The following CCDC68 variants were observed in gnomAD, a reference collection of about 807,000 sequenced individuals.
The protein encoded by CCDC68 is coiled-coil domain-containing protein 68.
CCDC68 carries 45 observed loss-of-function variants against 47.1 expected under a neutral mutation model. The observed-to-expected ratio is 0.96, with a 90% CI of 0.75 to 1.23. CCDC68 has a LOEUF of 1.23. CCDC68 is among the 50% of genes most tolerant of loss of function. CCDC68 has a pLI of 0.00. For synonymous variants in CCDC68, 131 were observed against 129.5 expected, an observed-to-expected ratio of 1.01 and a Z score of -0.08; for missense variants, 353 against 373.6, an observed-to-expected ratio of 0.94 and a Z score of 0.45.
At chr18:54,917,008 C>A (rs1171071244) in intron 10 of CCDC68, among the ~76,000 whole-genome samples, 1 of 152,154 alleles carries the variant, frequency 6.6e-6, no homozygotes, top group African/African-American at 2.4e-5. Flanking sequence ...ATTGTGAGGC[C>A]TCCCCAGCCA....
intron 6 of CCDC68, 98 bp from the exon 7 acceptor site, chr18:54,935,046 T>C: frequency 1.1e-6 from 1 of 930,482 alleles, no homozygotes; most frequent in Non-Finnish European, 1.4e-6. Flanking sequence ...GCCAAAAAAA[T>C]TCAGAATTCA....
intron 10 of CCDC68, among the ~76,000 whole-genome samples, chr18:54,914,579 T>A (rs535832357): frequency 1.3e-5 from 2 of 151,972 alleles, no homozygotes; most frequent in East Asian, 3.9e-4. Context: ...GATCACGAGA[T>A]CACGCCACTG....
intron 9 of CCDC68, 107 bp from the exon 10 acceptor site, chr18:54,918,103 T>TA (rs897562306): frequency 1.9e-3 from 1,067 of 555,762 alleles, no homozygotes; most frequent in Middle Eastern, 2.9e-3. Flanking sequence ...TTCATCAAAT[T>TA]AAAAAAAAAA....
At chr18:54,944,424 CA>C (rs1471087490) in intron 2 of CCDC68, among the ~76,000 whole-genome samples, 2 of 151,894 alleles carry the variant, frequency 1.3e-5, no homozygotes, top group African/African-American at 4.8e-5. Context: ...TATCAGCAAG[CA>C]AAAAAGTGAT....
Position 54,904,306 on chromosome 18 carries a change from G to A in CCDC68, c.*52C>T. 1.4e-6 allele frequency: 2 copies of A among 1,417,386 alleles called. No individual in the cohort carries two copies. Among genetic ancestry groups the A allele is most frequent in the Non-Finnish European group, 2.0e-6 (2 of 1,004,358 alleles). The allele number at this position is 1,417,386 out of a possible 1,614,324, so 87.8% of individuals were successfully genotyped here. Reference sequence around the variant, plus strand: ...CATGAAACTTGGGCTGTGTTTCAGAGAATAAATAAGACTCACGCAGTCTTT... The same window carrying A: ...CATGAAACTTGGGCTGTGTTTCAGAAAATAAATAAGACTCACGCAGTCTTT... On this transcript the variant is annotated 3_prime_UTR_variant, in exon 12 of 12. Transcript: ENST00000591504.
intron 3 of CCDC68, 68 bp from the exon 4 acceptor site, chr18:54,941,151 C>G: frequency 1.0e-6 from 1 of 988,852 alleles, no homozygotes; most frequent in South Asian, 1.3e-5. Context: ...TTCTCAATAC[C>G]AGTTACAGGG....
rs1913818627 is a variant in CCDC68 at position 54,903,811 on chromosome 18, G to C, written c.*547C>G. On this transcript the variant is annotated 3_prime_UTR_variant, in exon 12 of 12. Transcript: ENST00000591504. ...TGCTCTTTCTCCTGCCCATAATTCA[G>C]TCAAGTATAATTCTCCCACAAACAA... 6.6e-6 allele frequency: 1 copy of C among 152,234 alleles called. No homozygotes were observed. Among genetic ancestry groups the C allele is most frequent in the Admixed American group, 6.5e-5 (1 of 15,274 alleles). 9.4% of individuals were successfully genotyped at this position (152,234 alleles called of 1,614,324 possible).
chr18:54,926,734 T>C (rs962735288), intron 8 of CCDC68, among the ~76,000 whole-genome samples: 3 of 152,286 alleles, frequency 2.0e-5, no homozygotes, highest in African/African-American at 7.2e-5. Flanking sequence ...AGAAAGATGG[T>C]CAAAATCTTG....
At chr18:54,924,951 T>C (rs969972832) in intron 8 of CCDC68, among the ~76,000 whole-genome samples, 2 of 152,204 alleles carry the variant, frequency 1.3e-5, no homozygotes, top group Admixed American at 6.5e-5. Flanking sequence ...TTAGATGATG[T>C]TCTGAGGTAA....
intron 8 of CCDC68, among the ~76,000 whole-genome samples, chr18:54,925,780 C>T (rs1219131953): frequency 2.0e-5 from 3 of 152,164 alleles, no homozygotes; most frequent in Non-Finnish European, 4.4e-5. Flanking sequence ...ACATCACTGA[C>T]TATGGGCCCC....
At position 54,934,342 on chromosome 18, in the gene CCDC68, T is replaced by C. The variant is rs1002402459; in HGVS notation, c.600+478A>G. Among the ~76,000 whole-genome samples the C allele has an allele frequency of 3.3e-5, 5 of 152,370 alleles. No homozygotes were observed. In the East Asian group the frequency reaches 9.6e-4, roughly 29 times the overall value. On this transcript the variant is annotated intron_variant, in intron 7 of 11. Transcript: ENST00000591504. ...TCCAATTTCTATAGAATAGATTTTC[T>C]TAATGTGAACTGTATCTCTCCTAGT... is the stretch of plus-strand genomic sequence containing the variant.
At position 54,902,582 on chromosome 18, in the gene CCDC68, G is replaced by A. The variant is rs1201405503; in HGVS notation, c.*1776C>T. On this transcript the variant is annotated 3_prime_UTR_variant, in exon 12 of 12. Coordinates refer to ENST00000591504, the MANE Select transcript of CCDC68 (RefSeq NM_025214.3). ...TTTAGCAGGGAAGTTTGTCTGAACTGAGTTCTCACAATGGTAGTCCAGCTG... is the reference window on the plus strand; with the variant it reads ...TTTAGCAGGGAAGTTTGTCTGAACTAAGTTCTCACAATGGTAGTCCAGCTG... 6.6e-6 allele frequency: 1 copy of A among 151,936 alleles called. No homozygotes were observed. The highest frequency in any genetic ancestry group is 2.4e-5 in the African/African-American group (1 of 41,200). The allele number at this position is 151,936 out of a possible 1,614,324, so 9.4% of individuals were successfully genotyped here. A position where few individuals can be genotyped will look rare whatever the true frequency, so the allele number is the denominator to read the frequency against.
At chr18:54,925,987 C>T (rs2044138879) in intron 8 of CCDC68, among the ~76,000 whole-genome samples, 1 of 152,072 alleles carries the variant, frequency 6.6e-6, no homozygotes, top group South Asian at 2.1e-4. Flanking sequence ...TTGGTGGTAC[C>T]AAAGGGGTGC....
intron 1 of CCDC68, among the ~76,000 whole-genome samples, chr18:54,951,693 A>C (rs2044622226): frequency 6.6e-6 from 1 of 152,238 alleles, no homozygotes; most frequent in South Asian, 2.1e-4. Flanking sequence ...TCACCAAGTA[A>C]CAGTCACAGA....
At chr18:54,932,119 A>G (rs924260949) in intron 7 of CCDC68, among the ~76,000 whole-genome samples, 2 of 152,044 alleles carry the variant, frequency 1.3e-5, no homozygotes, top group Admixed American at 6.6e-5. Context: ...AGAAGTTGCC[A>G]AACTTCATTC....
At chr18:54,920,281 C>T (rs1450126210) in intron 8 of CCDC68, among the ~76,000 whole-genome samples, 35 of 145,412 alleles carry the variant, frequency 2.4e-4, no homozygotes, top group Middle Eastern at 3.5e-3. Context: ...TTTTTTCAGA[C>T]GGAGTCTTAC....
At chr18:54,950,650 G>A (rs1181914042) in intron 1 of CCDC68, among the ~76,000 whole-genome samples, 1 of 151,958 alleles carries the variant, frequency 6.6e-6, no homozygotes, top group East Asian at 1.9e-4. Flanking sequence ...AGCTATTTCG[G>A]AGGAAAAATG....
At chr18:54,948,295 A>C (rs2044559144) in intron 1 of CCDC68, among the ~76,000 whole-genome samples, 1 of 152,160 alleles carries the variant, frequency 6.6e-6, no homozygotes, top group African/African-American at 2.4e-5. Context: ...AGAACACCGA[A>C]TGCCCTGTGA....
At chr18:54,953,571 G>C (rs771820818) in intron 1 of CCDC68, among the ~76,000 whole-genome samples, 8 of 147,522 alleles carry the variant, frequency 5.4e-5, no homozygotes, top group Admixed American at 2.0e-4. Flanking sequence ...GAGATACATA[G>C]ATAGAGAGCA....
Sources: allele counts gnomAD v4.1 joint callset (sites outside exome capture counted in the v4.1 genomes callset), GRCh38; gene constraint gnomAD v4.1.1; transcripts MANE v1.5; gene names NCBI Gene and HGNC (gene_info 2026-07-23, HGNC 2026-07-21).